Variants in TMOD1 observed in about 807,000 individuals in gnomAD.
TMOD1 encodes the protein tropomodulin-1.
In TMOD1, 17 loss-of-function variants were observed where a neutral mutation model predicts 40.6. The ratio of observed to expected loss-of-function variants is 0.42; its 90% CI spans 0.29 to 0.63. The LOEUF (loss-of-function observed/expected upper bound fraction) is 0.63, where lower values mean the gene tolerates loss of function less well. TMOD1 is among the 20% of genes least tolerant of loss of function. The probability of loss-of-function intolerance (pLI) is 0.22; values close to 1 mark genes in which losing one functional copy is unlikely to be tolerated. For synonymous variants in TMOD1, 181 were observed against 175.0 expected (o/e 1.03, Z -0.27); for missense variants, 391 against 447.6 (o/e 0.87, Z 1.14).
At chr9:97,536,533 GGAGTCTCC>G (rs1830187910) in intron 2 of TMOD1, among the ~76,000 whole-genome samples, 1 of 152,016 alleles carries the variant, frequency 6.6e-6, no homozygotes, top group South Asian at 2.1e-4. Context: ...GATAAGCAGG[GGAGTCTCC>G]ACTCCCCTGC....
Position 97,557,840 on chromosome 9 carries a change from C to G in TMOD1, c.397+4440C>G, listed in dbSNP as rs1325738100. On this transcript the variant is annotated intron_variant, in intron 4 of 9. Transcript: ENST00000259365. This position sits in a 1 kb window ranked among gnomAD's most constrained non-coding sequence, Gnocchi z 4.4. ...TTCTTTTTCAGAGTTCAAAAATAGT[C>G]CTTTTTGAGTTTTGAGGAAGATCTA... Among the ~76,000 whole-genome samples, 1 of 151,858 alleles carries G rather than the reference C, an allele frequency of 6.6e-6. No homozygotes were observed. Among genetic ancestry groups the G allele is most frequent in the Non-Finnish European group, 1.5e-5 (1 of 67,968 alleles).
At chr9:97,536,360 G>A (rs1830184753) in intron 2 of TMOD1, among the ~76,000 whole-genome samples, 1 of 152,168 alleles carries the variant, frequency 6.6e-6, no homozygotes, top group African/African-American at 2.4e-5. Flanking sequence ...AGGCAGGTGG[G>A]CGTCTAGGGC....
chr9:97,520,800 G>T (rs968000521), intron 1 of TMOD1, among the ~76,000 whole-genome samples: 1 of 152,126 alleles, frequency 6.6e-6, no homozygotes, highest in Non-Finnish European at 1.5e-5. Flanking sequence ...ATCTCTAGGG[G>T]AGGCCTAGTG....
chr9:97,508,474 G>A (rs1829637650), intron 1 of TMOD1, among the ~76,000 whole-genome samples: 1 of 152,158 alleles, frequency 6.6e-6, no homozygotes. Flanking sequence ...ACAGGTGCGA[G>A]CCACCGTACC....
rs1044760253 is a variant in TMOD1 at position 97,501,671 on chromosome 9, C to G, written c.-181C>G. 1.3e-5 allele frequency: 2 copies of G among 148,220 alleles called. No homozygotes were observed. Among genetic ancestry groups the G allele is most frequent in the African/African-American group, 2.4e-5 (1 of 40,826 alleles). 9.2% of individuals were successfully genotyped at this position (148,220 alleles called of 1,614,324 possible). A position where few individuals can be genotyped will look rare whatever the true frequency, so the allele number is the denominator to read the frequency against. On this transcript the variant is annotated 5_prime_UTR_variant, in exon 1 of 10. Transcript: ENST00000259365. ...GCCCGCCCGCGGCCGCCCGGGAGCT[C>G]GTCCAGCCCCGCGCTGCGCTCGCCC...
chr9:97,589,367 G>A (rs372326392), intron 8 of TMOD1, among the ~76,000 whole-genome samples: 21 of 142,632 alleles, frequency 1.5e-4, no homozygotes, highest in Admixed American at 7.3e-5. Context: ...TGCAACCTCT[G>A]CCTCCCGGGT....
chr9:97,529,087 C>T (rs1270757374), intron 2 of TMOD1, among the ~76,000 whole-genome samples: 3 of 152,170 alleles, frequency 2.0e-5, no homozygotes, highest in Non-Finnish European at 2.9e-5. Context: ...GAGTCCACGA[C>T]GTAGCCATGC....
chr9:97,549,595 A>C (rs377702639), intron 3 of TMOD1, among the ~76,000 whole-genome samples: 39 of 152,180 alleles, frequency 2.6e-4, no homozygotes, highest in African/African-American at 8.2e-4. Flanking sequence ...GTTATGATAC[A>C]TTTTTTTCCC....
At chr9:97,553,546 C>T in intron 4 of TMOD1, 146 bp downstream of exon 4, 1 of 1,232,072 alleles carries the variant, frequency 8.1e-7, no homozygotes, top group Admixed American at 2.6e-5. Flanking sequence ...AAACAACAAT[C>T]CATTCTCAAA....
chr9:97,551,014 A>ATATATATATATTTTTTT (rs1243994680), intron 3 of TMOD1, among the ~76,000 whole-genome samples: 1 of 104,270 alleles, frequency 9.6e-6, no homozygotes, highest in African/African-American at 4.3e-5. Flanking sequence ...ATATATATAT[A>ATATATATATATTTTTTT]TTTTTTTTTT....
intron 8 of TMOD1, among the ~76,000 whole-genome samples, chr9:97,587,978 C>T (rs1319510165): frequency 6.6e-6 from 1 of 152,168 alleles, no homozygotes; most frequent in Admixed American, 6.5e-5. Flanking sequence ...AAGGATCTAC[C>T]ACGTTGTGTG....
chr9:97,562,867 C>T (rs1830662392), intron 5 of TMOD1, 46 bp downstream of exon 5: 1 of 1,454,944 alleles, frequency 6.9e-7, no homozygotes, highest in Non-Finnish European at 9.4e-7. Flanking sequence ...CTTCTTGCTT[C>T]CTCCACTCAC....
chr9:97,532,618 T>C, intron 2 of TMOD1, among the ~76,000 whole-genome samples: 1 of 145,202 alleles, frequency 6.9e-6, no homozygotes, highest in Middle Eastern at 3.5e-3. Flanking sequence ...TGATCATTCT[T>C]AAAAAAAAAA....
At chr9:97,568,862 A>G (rs1161943232) in intron 7 of TMOD1, 32 bp from the exon 8 acceptor site, 3 of 1,610,964 alleles carry the variant, frequency 1.9e-6, no homozygotes, top group African/African-American at 2.7e-5. Context: ...GGGGTGACTC[A>G]TGGGTATCCT....
chr9:97,554,282 T>G (rs1587938924), intron 4 of TMOD1, among the ~76,000 whole-genome samples: 1 of 150,724 alleles, frequency 6.6e-6, no homozygotes, highest in Admixed American at 6.6e-5. Flanking sequence ...GGTAGAAGAG[T>G]GAAGCAGGGT....
chr9:97,600,908 A>T lies in TMOD1; in HGVS notation c.*1210A>T. ...ATATACCACAGTGCCAGTTAAACTA[A>T]TATTTTTGTTTGTTGCTTTTGGGAG... On this transcript the variant is annotated 3_prime_UTR_variant, in exon 10 of 10. Coordinates refer to ENST00000259365, the MANE Select transcript of TMOD1 (RefSeq NM_003275.4). 8.6e-7 allele frequency: 1 copy of T among 1,157,952 alleles called. No homozygotes were observed. The highest frequency in any genetic ancestry group is 1.1e-6 in the Non-Finnish European group (1 of 919,670). 71.7% of individuals were successfully genotyped at this position (1,157,952 alleles called of 1,614,324 possible). A position where few individuals can be genotyped will look rare whatever the true frequency, so the allele number is the denominator to read the frequency against.
intron 8 of TMOD1, among the ~76,000 whole-genome samples, chr9:97,585,481 T>A (rs2131286354): frequency 6.7e-6 from 1 of 149,620 alleles, no homozygotes; most frequent in African/African-American, 2.4e-5. Flanking sequence ...CAATTATGTG[T>A]CTTGGAGTTG....
At position 97,565,833 on chromosome 9, in the gene TMOD1, C is replaced by G. The variant is rs1362148456; in HGVS notation, c.619-15C>G. The G allele has an allele frequency of 1.2e-6, 2 of 1,606,160 alleles. No individual in the cohort carries two copies. Among genetic ancestry groups the G allele is most frequent in the South Asian group, 2.2e-5 (2 of 90,804 alleles). ...AGGCTTCTGGTCACTCTCTCTGTTG[C>G]CTTTCTTTGTGCAGAATATCCCCAT... On this transcript the variant is annotated splice_polypyrimidine_tract_variant and intron_variant, in intron 6 of 9. Coordinates refer to ENST00000259365, the MANE Select transcript of TMOD1 (RefSeq NM_003275.4).
Position 97,511,023 on chromosome 9 carries a change from C to G in TMOD1, c.-49+9220C>G, listed in dbSNP as rs562461085. On this transcript the variant is annotated intron_variant, in intron 1 of 9. Transcript: ENST00000259365. Reference sequence around the variant, plus strand: ...GATGATTGCTGTGGTGACTCAGACACCATGATGACCCCAAGAGATGCAAAA... The same window carrying G: ...GATGATTGCTGTGGTGACTCAGACAGCATGATGACCCCAAGAGATGCAAAA... Among the ~76,000 whole-genome samples the G allele has an allele frequency of 1.2e-3, 176 of 152,046 alleles. 1 individual carries two copies. Among genetic ancestry groups the G allele is most frequent in the African/African-American group, 4.0e-3 (167 of 41,462 alleles).
Sources: allele counts gnomAD v4.1 joint callset (sites outside exome capture counted in the v4.1 genomes callset), GRCh38; gene constraint gnomAD v4.1.1; non-coding constraint Gnocchi (gnomAD v3.1); transcripts MANE v1.5; gene names NCBI Gene and HGNC (gene_info 2026-07-23, HGNC 2026-07-21).